DLG2: variants seen among roughly 807,000 people sequenced by gnomAD.
The protein encoded by DLG2 is disks large homolog 2.
DLG2 carries 45 observed loss-of-function variants against 132.5 expected under a neutral mutation model. The ratio of observed to expected loss-of-function variants is 0.34; its 90% CI spans 0.27 to 0.44. The LOEUF (loss-of-function observed/expected upper bound fraction) is 0.44, where lower values mean the gene tolerates loss of function less well. Among genes scored for constraint, DLG2 ranks in the 20% least tolerant of loss-of-function variants. The pLI is 1.00. For synonymous variants in DLG2, 424 were observed against 419.6 expected, an observed-to-expected ratio of 1.01 and a Z score of -0.13; for missense variants, 1,045 against 1,196.9, an observed-to-expected ratio of 0.87 and a Z score of 1.87.
At chr11:84,737,152 A>G (rs1408506770) in intron 6 of DLG2, among the ~76,000 whole-genome samples, 1 of 151,852 alleles carries the variant, frequency 6.6e-6, no homozygotes, top group African/African-American at 2.4e-5. Flanking sequence ...GGTGATTAAT[A>G]TGGTGATTTT....
chr11:84,116,407 T>C (rs1439488317), intron 9 of DLG2, among the ~76,000 whole-genome samples: 3 of 152,206 alleles, frequency 2.0e-5, no homozygotes, highest in African/African-American at 7.2e-5. Flanking sequence ...GGGTAATTTA[T>C]GAAGGAAAGA....
chr11:83,959,735 G>A (rs2087977642), intron 14 of DLG2, among the ~76,000 whole-genome samples: 2 of 152,044 alleles, frequency 1.3e-5, no homozygotes, highest in Admixed American at 6.6e-5. Flanking sequence ...CAGGGATGCA[G>A]GGATGGGGCC....
intron 3 of DLG2, among the ~76,000 whole-genome samples, chr11:85,597,503 T>C (rs1020938723): frequency 2.0e-5 from 3 of 152,108 alleles, no homozygotes; most frequent in East Asian, 1.9e-4. Context: ...ATTACAGTTA[T>C]GTCATTAATT....
intron 3 of DLG2, among the ~76,000 whole-genome samples, chr11:85,396,287 G>C (rs1052450594): frequency 2.6e-5 from 4 of 152,108 alleles, no homozygotes; most frequent in African/African-American, 4.8e-5. Context: ...CAGAATCAAA[G>C]ACCAAAGGTA....
At chr11:85,351,033 A>G (rs534673361) in intron 3 of DLG2, among the ~76,000 whole-genome samples, 47 of 152,302 alleles carry the variant, frequency 3.1e-4, no homozygotes, top group African/African-American at 9.1e-4. Context: ...GATTCTTCCT[A>G]TCCATGAGGA....
chr11:83,938,895 G>C (rs1426534851), intron 14 of DLG2, among the ~76,000 whole-genome samples: 1 of 152,126 alleles, frequency 6.6e-6, no homozygotes, highest in Non-Finnish European at 1.5e-5. Context: ...TCAAGATAAC[G>C]CTGTTTCTTT....
In DLG2 at chr11:83,687,094, G is replaced by A. The variant is rs182400675; in HGVS notation, c.1826-53769C>T. 2.6e-5 allele frequency among the ~76,000 whole-genome samples: 4 copies of A among 152,292 alleles called. No individual in the cohort carries two copies. The East Asian group carries it at 7.7e-4, about 29-fold the overall frequency. On this transcript the variant is annotated intron_variant, in intron 18 of 27. Transcript: ENST00000376104. Reference sequence around the variant, plus strand: ...CCACAAACCCAAAAACTACCACAAGGCAGAGAAGAGGCCTAGACCAGGTAT... The same window carrying A: ...CCACAAACCCAAAAACTACCACAAGACAGAGAAGAGGCCTAGACCAGGTAT...
rs548744405 is a variant in DLG2, at chr11:84,102,620, G to C, written c.625-3573C>G. Among the ~76,000 whole-genome samples, 11 of 152,266 alleles carry C rather than the reference G, an allele frequency of 7.2e-5. No individual in the cohort carries two copies. In the South Asian group the frequency reaches 2.3e-3, roughly 32 times the overall value. On this transcript the variant is annotated intron_variant, in intron 9 of 27. Coordinates refer to ENST00000376104, the MANE Select transcript of DLG2 (RefSeq NM_001142699.3). ...GGATAGAGGATCCTTCACTCAGGAG[G>C]TATTTGGCTAGTCACTGGGCGTGAA... is the stretch of plus-strand genomic sequence containing the variant.
At chr11:84,535,517 G>T (rs964993117) in intron 6 of DLG2, among the ~76,000 whole-genome samples, 1 of 151,988 alleles carries the variant, frequency 6.6e-6, no homozygotes, top group Non-Finnish European at 1.5e-5. Flanking sequence ...AAAGATTATT[G>T]TTTGAGTCTT....
chr11:85,300,969 G>A (rs1369545069), intron 3 of DLG2, among the ~76,000 whole-genome samples: 2 of 152,288 alleles, frequency 1.3e-5, no homozygotes, highest in East Asian at 3.9e-4. Flanking sequence ...GGTAGGCAGA[G>A]GCGGGAGGAT....
chr11:84,829,749 A>G (rs1481871641), intron 6 of DLG2, among the ~76,000 whole-genome samples: 1 of 151,706 alleles, frequency 6.6e-6, no homozygotes, highest in Admixed American at 6.6e-5. Context: ...AAAGCCTTCA[A>G]TAAGTGCTAG....
At chr11:84,746,874 T>C (rs1315986685) in intron 6 of DLG2, among the ~76,000 whole-genome samples, 1 of 152,164 alleles carries the variant, frequency 6.6e-6, no homozygotes, top group Non-Finnish European at 1.5e-5. Flanking sequence ...AAGATAACTG[T>C]GGCAGTTCTA....
intron 14 of DLG2, 48 bp from the exon 15 acceptor site, chr11:83,930,531 A>G (rs755536485): frequency 1.1e-4 from 177 of 1,565,036 alleles, no homozygotes; most frequent in Middle Eastern, 3.4e-4. Flanking sequence ...AGTACATACA[A>G]GGAACACCTG....
At chr11:85,570,354 T>C (rs1490759493) in intron 3 of DLG2, among the ~76,000 whole-genome samples, 1 of 152,196 alleles carries the variant, frequency 6.6e-6, no homozygotes, top group African/African-American at 2.4e-5. Flanking sequence ...GAGAAAAATA[T>C]GGATTCTGCT....
At chr11:84,457,573 C>T (rs183499923) in intron 7 of DLG2, among the ~76,000 whole-genome samples, 4 of 151,028 alleles carry the variant, frequency 2.6e-5, no homozygotes, top group Admixed American at 6.6e-5. Context: ...TTTTAGTAAG[C>T]TTTCATGCAG....
chr11:85,218,854 G>GTA (rs1386594615), intron 4 of DLG2, among the ~76,000 whole-genome samples: 4 of 152,182 alleles, frequency 2.6e-5, no homozygotes, highest in East Asian at 1.9e-4. Context: ...AGAAAATGTA[G>GTA]TATATATATA....
At chr11:84,890,156 A>G (rs1367685917) in intron 6 of DLG2, among the ~76,000 whole-genome samples, 3 of 152,176 alleles carry the variant, frequency 2.0e-5, no homozygotes, top group African/African-American at 7.2e-5. Context: ...ACCTGATTGA[A>G]GGGTATAAAG....
chr11:84,930,601 A>T (rs999323383), intron 6 of DLG2, among the ~76,000 whole-genome samples: 1 of 151,870 alleles, frequency 6.6e-6, no homozygotes, highest in Non-Finnish European at 1.5e-5. Context: ...AGAAGAAAAC[A>T]AAAACAAAAC....
chr11:84,780,289 T>C (rs2071490647), intron 6 of DLG2, among the ~76,000 whole-genome samples: 1 of 151,888 alleles, frequency 6.6e-6, no homozygotes, highest in Admixed American at 6.6e-5. Context: ...GATATGATCA[T>C]CTCAATAGAC....
Sources: allele counts gnomAD v4.1 joint callset (sites outside exome capture counted in the v4.1 genomes callset), GRCh38; gene constraint gnomAD v4.1.1; transcripts MANE v1.5; gene names NCBI Gene and HGNC (gene_info 2026-07-23, HGNC 2026-07-21).